The following THRB variants were observed in gnomAD, a reference collection of about 807,000 sequenced individuals.
The protein encoded by THRB is thyroid hormone receptor beta.
In THRB, 12 loss-of-function variants were observed where a neutral mutation model predicts 47.8. The ratio of observed to expected loss-of-function variants is 0.25; its 90% confidence interval spans 0.16 to 0.41. The LOEUF is 0.41. Among genes scored for constraint, THRB ranks in the 10% least tolerant of loss-of-function variants. The pLI is 1.00. For synonymous variants in THRB, 218 were observed against 212.2 expected (o/e 1.03, Z -0.24); for missense variants, 348 against 589.2 (o/e 0.59, Z 4.24).
rs1212683656 is a variant in THRB, at chr3:24,121,047, C to T, written c.*1837G>A. 3.3e-5 allele frequency: 5 copies of T among 152,054 alleles called. No individual in the cohort carries two copies. The highest frequency in any genetic ancestry group is 5.9e-5 in the Non-Finnish European group (4 of 68,006). 9.4% of individuals were successfully genotyped at this position (152,054 alleles called of 1,614,324 possible). On this transcript the variant is annotated 3_prime_UTR_variant, in exon 11 of 11. Coordinates refer to ENST00000646209, the MANE Select transcript of THRB (RefSeq NM_001354712.2). ...TTATTTCGAGCCAATAACAAATTTA[C>T]GTTCCTTAACTGTTAAGTGGGCCAT...
chr3:24,371,290 G>A (rs369639196), intron 1 of THRB, among the ~76,000 whole-genome samples: 1 of 151,970 alleles, frequency 6.6e-6, no homozygotes, highest in African/African-American at 2.4e-5. Flanking sequence ...CTAGAACCTA[G>A]GTAACATCAT....
At chr3:24,147,426 C>T (rs1016140004) in intron 6 of THRB, among the ~76,000 whole-genome samples, 2 of 152,180 alleles carry the variant, frequency 1.3e-5, no homozygotes, top group South Asian at 2.1e-4. Context: ...GGGAGTAGAA[C>T]GCTCCAGGTT....
At chr3:24,155,082 G>T (rs992132031) in intron 5 of THRB, among the ~76,000 whole-genome samples, 3 of 152,072 alleles carry the variant, frequency 2.0e-5, no homozygotes, top group African/African-American at 4.8e-5. Context: ...TTATCTTTTG[G>T]CATTGGCAGC....
At chr3:24,199,321 C>T (rs1395363001) in intron 4 of THRB, among the ~76,000 whole-genome samples, 1 of 152,174 alleles carries the variant, frequency 6.6e-6, no homozygotes, top group Non-Finnish European at 1.5e-5. Context: ...AAATTAGCCT[C>T]TTTGTTCAAG....
intron 1 of THRB, among the ~76,000 whole-genome samples, chr3:24,470,077 G>A (rs961774319): frequency 3.3e-5 from 5 of 152,154 alleles, no homozygotes; most frequent in African/African-American, 1.2e-4. Context: ...CTGGCACCTT[G>A]CTGGATCCCA....
rs2058503351 is a variant in THRB at position 24,321,809 on chromosome 3, A to G, written c.-189+15491T>C. 2.0e-5 allele frequency among the ~76,000 whole-genome samples: 3 copies of G among 152,202 alleles called. No individual in the cohort carries two copies. In the South Asian group the frequency reaches 6.2e-4, roughly 31 times the overall value. On this transcript the variant is annotated intron_variant, in intron 2 of 10. Transcript: ENST00000646209. ...ACTTCATACTTGCCTAGTTCAAATG[A>G]GATGTGCTATAAGTATAAGATACAC...
chr3:24,321,632 AT>A (rs538351928), intron 2 of THRB, among the ~76,000 whole-genome samples: 83 of 148,516 alleles, frequency 5.6e-4, no homozygotes, highest in African/African-American at 1.4e-3. Context: ...TGCTAATATA[AT>A]TTTTTTTTTT....
At chr3:24,451,423 G>A (rs1477533748) in intron 1 of THRB, among the ~76,000 whole-genome samples, 1 of 151,902 alleles carries the variant, frequency 6.6e-6, no homozygotes, top group South Asian at 2.1e-4. Context: ...TTTTAGTAGA[G>A]ATGGGGTTTC....
rs1283520817 is a variant in THRB at position 24,387,922 on chromosome 3, C to T, written c.-260-50551G>A. On this transcript the variant is annotated intron_variant, in intron 1 of 10. Transcript: ENST00000646209. Reference sequence around the variant, plus strand: ...GAAACAATGTGAGATCATCTCTCTTCTCTAGGGCATGATTGTCAGGTCAGT... The same window carrying T: ...GAAACAATGTGAGATCATCTCTCTTTTCTAGGGCATGATTGTCAGGTCAGT... 2.0e-5 allele frequency among the ~76,000 whole-genome samples: 3 copies of T among 152,054 alleles called. No homozygotes were observed. The East Asian group carries it at 5.8e-4, about 29-fold the overall frequency.
At chr3:24,435,073 G>T (rs2070805168) in intron 1 of THRB, among the ~76,000 whole-genome samples, 1 of 152,122 alleles carries the variant, frequency 6.6e-6, no homozygotes, top group Non-Finnish European at 1.5e-5. Context: ...AAAGAGGGAG[G>T]TGTTGAACTG....
At chr3:24,326,538 T>A (rs1362657960) in intron 2 of THRB, among the ~76,000 whole-genome samples, 1 of 152,122 alleles carries the variant, frequency 6.6e-6, no homozygotes, top group Non-Finnish European at 1.5e-5. Context: ...TCCCGGCCAG[T>A]TACAACTTTC....
intron 4 of THRB, among the ~76,000 whole-genome samples, chr3:24,206,554 G>A (rs369713394): frequency 2.0e-5 from 3 of 152,156 alleles, no homozygotes; most frequent in Admixed American, 1.3e-4. Flanking sequence ...AAGCAGGAAA[G>A]ATCTAAAATC....
At chr3:24,203,962 G>A (rs1216739643) in intron 4 of THRB, among the ~76,000 whole-genome samples, 5 of 152,238 alleles carry the variant, frequency 3.3e-5, no homozygotes, top group African/African-American at 1.2e-4. Flanking sequence ...CTGGGGGAGG[G>A]GCACCCGCCA....
At chr3:24,207,948 C>T (rs989411895) in intron 4 of THRB, among the ~76,000 whole-genome samples, 1 of 152,134 alleles carries the variant, frequency 6.6e-6, no homozygotes, top group African/African-American at 2.4e-5. Context: ...TAGAAAACCC[C>T]ATCGTCTCAG....
chr3:24,127,569 C>T lies in THRB; in HGVS notation c.1074G>A (p.Met358Ile). Residue 358 changes from methionine (M) to isoleucine (I), a missense_variant, in exon 10 of 11, where the codon ATG becomes ATA. This residue lies in a region of THRB where 45 missense variants were observed against 156.2 expected (regional missense o/e 0.29). Transcript: ENST00000646209. ...VVSDAIFDLGMSLSSFNLDDT... is the reference protein window; with the variant it reads ...VVSDAIFDLGISLSSFNLDDT... Reference sequence around the variant, plus strand: ...CATCCAGGTTGAAAGAAGACAGAGACATGCCCAGGTCAAAGATGGCGTCTG... The same window carrying T: ...CATCCAGGTTGAAAGAAGACAGAGATATGCCCAGGTCAAAGATGGCGTCTG... The T allele has an allele frequency of 6.2e-7, 1 of 1,614,204 alleles. No homozygotes were observed. The highest frequency in any genetic ancestry group is 8.5e-7 in the Non-Finnish European group (1 of 1,180,026).
At position 24,118,512 on chromosome 3, in the gene THRB, G is replaced by A. The variant is rs2031050708; in HGVS notation, c.*4372C>T. On this transcript the variant is annotated 3_prime_UTR_variant, in exon 11 of 11. Transcript: ENST00000646209. ...AGTATTTTTCTGATTCTCAGGGCAT[G>A]AAAACATTATGGGAAAAAAAAGGAT... is the stretch of plus-strand genomic sequence containing the variant. 1 of 152,568 alleles carries A rather than the reference G, an allele frequency of 6.6e-6. No homozygotes were observed. The highest frequency in any genetic ancestry group is 1.5e-5 in the Non-Finnish European group (1 of 67,996). 9.5% of individuals were successfully genotyped at this position (152,568 alleles called of 1,614,324 possible). A position where few individuals can be genotyped will look rare whatever the true frequency, so the allele number is the denominator to read the frequency against.
intron 1 of THRB, among the ~76,000 whole-genome samples, chr3:24,488,800 G>A (rs140011989): frequency 6.6e-6 from 1 of 152,254 alleles, no homozygotes; most frequent in East Asian, 1.9e-4. Context: ...CTGACAAATA[G>A]CAAACAACTG....
intron 3 of THRB, among the ~76,000 whole-genome samples, chr3:24,287,068 T>C (rs1396628894): frequency 2.6e-5 from 4 of 152,216 alleles, no homozygotes; most frequent in Non-Finnish European, 4.4e-5. Flanking sequence ...CCAAAGCTTG[T>C]GGAAATCCAG....
intron 2 of THRB, among the ~76,000 whole-genome samples, chr3:24,327,646 AAACTAAC>A (rs2061679455): frequency 6.6e-6 from 1 of 152,232 alleles, no homozygotes; most frequent in East Asian, 1.9e-4. Flanking sequence ...TAGTGGATGG[AAACTAAC>A]AACAAAATAA....
Sources: gnomAD v4.1 joint callset for allele counts (sites outside exome capture counted in the v4.1 genomes callset) on GRCh38, gnomAD v4.1.1 for gene constraint, gnomAD v4.1.1 regional missense constraint, MANE v1.5 for transcripts, NCBI Gene and HGNC (gene_info 2026-07-23, HGNC 2026-07-21) for gene names.